PLA2G2A: variants seen among roughly 807,000 people sequenced by gnomAD.
The protein encoded by PLA2G2A is phospholipase A2, membrane associated.
PLA2G2A carries 6 observed loss-of-function variants against 11.2 expected under a neutral mutation model. The ratio of observed to expected loss-of-function variants is 0.54; its 90% CI spans 0.29 to 1.06. The LOEUF is 1.06. Among genes scored for constraint, PLA2G2A ranks in the 50% least tolerant of loss-of-function variants. PLA2G2A has a pLI of 0.08. For synonymous variants in PLA2G2A, 69 were observed against 65.8 expected (o/e 1.05, Z -0.23); for missense variants, 133 against 177.1 (o/e 0.75, Z 1.41).
rs2046247176 is a variant in PLA2G2A, at chr1:19,978,140, T to C, written c.186-19A>G. On this transcript the variant is annotated intron_variant, in intron 3 of 4. Coordinates refer to ENST00000482011, the Ensembl canonical transcript of PLA2G2A. Reference sequence around the variant, plus strand: ...ACAGCAGCTGTGAGGAGACACCCTGTTGGGGCTCTTGTCCCACAGCTCCAG... The same window carrying C: ...ACAGCAGCTGTGAGGAGACACCCTGCTGGGGCTCTTGTCCCACAGCTCCAG... 2 of 1,561,282 alleles carry C rather than the reference T, an allele frequency of 1.3e-6. No homozygotes were observed. The highest frequency in any genetic ancestry group is 1.8e-6 in the Non-Finnish European group (2 of 1,131,702).
At chr1:19,977,750 C>T (rs1317247032) in intron 4 of PLA2G2A, among the ~76,000 whole-genome samples, 2 of 152,230 alleles carry the variant, frequency 1.3e-5, no homozygotes, top group African/African-American at 4.8e-5. Flanking sequence ...CCCTGACTCT[C>T]TGCACAGCCT....
chr1:19,978,399 G>A (rs1373721891), exon 3 of PLA2G2A: 1 of 1,613,228 alleles, frequency 6.2e-7, no homozygotes, highest in South Asian at 1.1e-5. Flanking sequence ...GCATCCTTGG[G>A]GGATCCTCTG....
At chr1:19,975,683 T>A in exon 5 of PLA2G2A, 1 of 1,611,904 alleles carries the variant, frequency 6.2e-7, no homozygotes, top group Non-Finnish European at 8.5e-7. Context: ...GGTGGAAGGT[T>A]TCCAGGGAAG....
intron 1 of PLA2G2A, 132 bp downstream of exon 1, chr1:19,979,448 C>CGGCG: frequency 6.4e-6 from 1 of 157,328 alleles, no homozygotes; most frequent in Non-Finnish European, 1.4e-5. Flanking sequence ...ACTCACTCAA[C>CGGCG]ACACTCATGC....
exon 3 of PLA2G2A, chr1:19,978,381 G>C: frequency 6.2e-7 from 1 of 1,612,124 alleles, no homozygotes; most frequent in Non-Finnish European, 8.5e-7. Context: ...TGGCCTCACC[G>C]ATCCGTTGCA....
chr1:19,978,854 C>G (rs367884397), exon 2 of PLA2G2A: 11 of 1,319,580 alleles, frequency 8.3e-6, no homozygotes, highest in Non-Finnish European at 1.2e-5. Flanking sequence ...CCCCGGCCGT[C>G]GCTCCCCTGC....
At chr1:19,978,324 T>C in intron 3 of PLA2G2A, 56 bp downstream of exon 3, 1 of 1,591,902 alleles carries the variant, frequency 6.3e-7, no homozygotes, top group South Asian at 1.1e-5. Context: ...TCTTTGCAGC[T>C]CCCAGCCCTG....
At chr1:19,979,741 C>G (rs993207255), upstream of PLA2G2A, 12 of 152,468 alleles carry the variant, frequency 7.9e-5, no homozygotes, top group African/African-American at 2.9e-4. Context: ...CGCCCATACC[C>G]CTAGGTAATC....
chr1:19,975,672 G>A, downstream of PLA2G2A: 3 of 1,607,440 alleles, frequency 1.9e-6, no homozygotes, highest in Non-Finnish European at 2.6e-6. Context: ...ATTCAGCACT[G>A]GGTGGAAGGT....
Position 19,979,270 on chromosome 1 carries a change from G to C in PLA2G2A, c.-107+310C>G, listed in dbSNP as rs11573158. 4.5e-3 allele frequency among the ~76,000 whole-genome samples: 689 copies of C among 152,266 alleles called. 2 individuals are homozygous for C. Among genetic ancestry groups the C allele is most frequent in the Non-Finnish European group, 7.9e-3 (534 of 68,012 alleles). ...AGGCACCCATGGAGGCTCGGCCTCAGTATTTTCCTCCAGAATGAAAGCATC... is the reference window on the plus strand; with the variant it reads ...AGGCACCCATGGAGGCTCGGCCTCACTATTTTCCTCCAGAATGAAAGCATC... On this transcript the variant is annotated intron_variant, in intron 1 of 4. Coordinates refer to ENST00000482011, the Ensembl canonical transcript of PLA2G2A.
chr1:19,978,589 C>G, intron 2 of PLA2G2A, 65 bp from the exon 3 acceptor site: 2 of 1,605,982 alleles, frequency 1.2e-6, no homozygotes, highest in Middle Eastern at 1.7e-4. Flanking sequence ...CCTCTCTGCC[C>G]CTCTCTGCTA....
intron 1 of PLA2G2A, 67 bp from the exon 2 acceptor site, chr1:19,978,946 A>G: frequency 1.5e-6 from 1 of 664,474 alleles, no homozygotes; most frequent in Non-Finnish European, 2.7e-6. Flanking sequence ...TCACACTCAG[A>G]GCACACAAGG....
At chr1:19,976,909 G>GC (rs2046227801) in intron 4 of PLA2G2A, among the ~76,000 whole-genome samples, 1 of 152,158 alleles carries the variant, frequency 6.6e-6, no homozygotes, top group African/African-American at 2.4e-5. Context: ...AGCCTTGTTG[G>GC]CCCTTTTCAT....
intron 4 of PLA2G2A, among the ~76,000 whole-genome samples, chr1:19,977,435 C>G (rs894309978): frequency 1.3e-5 from 2 of 152,224 alleles, no homozygotes; most frequent in African/African-American, 4.8e-5. Context: ...TGCATGATGG[C>G]AATAGCTTTC....
At chr1:19,976,056 T>A (rs772791000) in intron 4 of PLA2G2A, among the ~76,000 whole-genome samples, 1 of 152,188 alleles carries the variant, frequency 6.6e-6, no homozygotes, top group African/African-American at 2.4e-5. Flanking sequence ...AGCCAGGCAC[T>A]GGGATACTTT....
chr1:19,978,355 G>C, intron 3 of PLA2G2A, 25 bp downstream of exon 3: 1 of 1,609,744 alleles, frequency 6.2e-7, no homozygotes, highest in Non-Finnish European at 8.5e-7. Flanking sequence ...AGTCTAGGAG[G>C]GTAGGGAGGG....
exon 5 of PLA2G2A, chr1:19,975,822 C>G: frequency 6.2e-7 from 1 of 1,614,094 alleles, no homozygotes; most frequent in Non-Finnish European, 8.5e-7. Context: ...ACACAGTTGA[C>G]TTCTGCAGGA....
chr1:19,977,409 G>A (rs1003001361), intron 4 of PLA2G2A, among the ~76,000 whole-genome samples: 4 of 152,136 alleles, frequency 2.6e-5, no homozygotes, highest in African/African-American at 9.7e-5. Flanking sequence ...ATGTCAAGAT[G>A]TTACTCCCTC....
chr1:19,978,771 C>T (rs1389434888), exon 2 of PLA2G2A: 5 of 1,614,028 alleles, frequency 3.1e-6, no homozygotes, highest in Middle Eastern at 1.6e-4. Context: ...GGAGGGTCTT[C>T]ATGGTAAGAG....
Sources: gnomAD v4.1 joint callset for allele counts (sites outside exome capture counted in the v4.1 genomes callset) on GRCh38, gnomAD v4.1.1 for gene constraint, MANE v1.5 for transcripts, NCBI Gene and HGNC (gene_info 2026-07-23, HGNC 2026-07-21) for gene names.